The following MAML2 variants were observed in gnomAD, a reference collection of about 807,000 sequenced individuals.
MAML2 encodes the protein mastermind-like protein 2.
A neutral mutation model predicts 96.1 loss-of-function variants in MAML2; 22 were observed. The ratio of observed to expected loss-of-function variants is 0.23; its 90% confidence interval spans 0.16 to 0.33. MAML2 has a LOEUF of 0.33. Among genes scored for constraint, MAML2 ranks in the 10% least tolerant of loss-of-function variants. The pLI is 1.00. For missense variants in MAML2, 1,367 were observed against 1,392.4 expected (o/e 0.98, Z 0.29); for synonymous variants, 561 against 521.3 (o/e 1.08, Z -1.04).
At position 96,159,723 on chromosome 11, in the gene MAML2, C is replaced by G. The variant is rs147314699; in HGVS notation, c.514-66206G>C. 2.9e-3 allele frequency among the ~76,000 whole-genome samples: 445 copies of G among 152,268 alleles called. 9 individuals carry two copies. Among genetic ancestry groups the G allele is most frequent in the Admixed American group, 0.019 (287 of 15,290 alleles). ...ACAGGTGTGAGCGACCGCGCCCGGC[C>G]TAAACCACTGATTCTTAAACTTCAC... On this transcript the variant is annotated intron_variant, in intron 1 of 4. Transcript: ENST00000524717.
chr11:96,327,714 C>T (rs918261508), intron 1 of MAML2, among the ~76,000 whole-genome samples: 10 of 152,016 alleles, frequency 6.6e-5, no homozygotes, highest in South Asian at 2.1e-4. Flanking sequence ...CAACTGCGCC[C>T]GGCCCTTTCC....
At chr11:96,226,764 T>C (rs1168794230) in intron 1 of MAML2, among the ~76,000 whole-genome samples, 1 of 152,234 alleles carries the variant, frequency 6.6e-6, no homozygotes, top group Non-Finnish European at 1.5e-5. Flanking sequence ...TTTATTATTA[T>C]TCTTATTCTT....
chr11:96,307,273 C>T (rs1449230100), intron 1 of MAML2, among the ~76,000 whole-genome samples: 1 of 152,140 alleles, frequency 6.6e-6, no homozygotes, highest in Non-Finnish European at 1.5e-5. Flanking sequence ...GAGATAGCAA[C>T]GGAGATCAAG....
rs747829390 is a variant in MAML2, at chr11:95,979,800, C to A, written c.2619G>T (p.Leu873=). ...AVQNMGMYGN[L]PCNQPNTYSV... ...TGTATGTGTTAGGTTGATTACAAGG[C>A]AGATTTCCATACATCCCCATATTCT... The change falls in exon 5 of 5, where the codon CTG becomes CTT. Residue 873 remains leucine, a synonymous_variant. Transcript: ENST00000524717. The A allele has an allele frequency of 1.2e-6, 2 of 1,613,950 alleles. No homozygotes were observed. Among genetic ancestry groups the A allele is most frequent in the Non-Finnish European group, 1.7e-6 (2 of 1,179,868 alleles).
intron 1 of MAML2, among the ~76,000 whole-genome samples, chr11:96,141,158 G>A (rs1860724751): frequency 6.6e-6 from 1 of 152,048 alleles, no homozygotes; most frequent in Non-Finnish European, 1.5e-5. Flanking sequence ...CATCCTTCTG[G>A]TGAGGTGCTT....
At chr11:96,006,354 G>T (rs1858177478) in intron 2 of MAML2, among the ~76,000 whole-genome samples, 1 of 152,082 alleles carries the variant, frequency 6.6e-6, no homozygotes, top group Non-Finnish European at 1.5e-5. Flanking sequence ...TTAGAAAAAT[G>T]ATAACCTTAA....
intron 1 of MAML2, among the ~76,000 whole-genome samples, chr11:96,258,118 A>G (rs1312339700): frequency 6.6e-6 from 1 of 152,236 alleles, no homozygotes; most frequent in East Asian, 1.9e-4. Context: ...TCATTTGCTA[A>G]GTCCAAGGTA....
intron 1 of MAML2, among the ~76,000 whole-genome samples, chr11:96,161,352 T>C (rs1861100523): frequency 6.6e-6 from 1 of 152,230 alleles, no homozygotes; most frequent in African/African-American, 2.4e-5. Flanking sequence ...TGTATGTCTA[T>C]TACCTCATCT....
At chr11:95,990,976 T>C (rs1857900651) in intron 3 of MAML2, among the ~76,000 whole-genome samples, 1 of 151,996 alleles carries the variant, frequency 6.6e-6, no homozygotes, top group Non-Finnish European at 1.5e-5. Context: ...CCATTAAAAG[T>C]AGTGGCAAAA....
At chr11:96,219,977 T>C (rs969123706) in intron 1 of MAML2, among the ~76,000 whole-genome samples, 1 of 152,214 alleles carries the variant, frequency 6.6e-6, no homozygotes, top group Non-Finnish European at 1.5e-5. Context: ...CATCATGTTG[T>C]ATTAAATGAG....
intron 1 of MAML2, among the ~76,000 whole-genome samples, chr11:96,246,631 T>C (rs913078053): frequency 6.6e-6 from 1 of 152,176 alleles, no homozygotes; most frequent in Admixed American, 6.6e-5. Flanking sequence ...ACTCCTGCAT[T>C]GTTTCAGTCA....
At chr11:95,995,121 T>C (rs575770336) in intron 2 of MAML2, among the ~76,000 whole-genome samples, 2 of 152,348 alleles carry the variant, frequency 1.3e-5, no homozygotes, top group African/African-American at 4.8e-5. Context: ...ATAGGAACAA[T>C]AGTCTGTTTA....
intron 1 of MAML2, among the ~76,000 whole-genome samples, chr11:96,204,089 AG>A (rs1315414106): frequency 2.0e-5 from 3 of 151,986 alleles, no homozygotes; most frequent in Non-Finnish European, 4.4e-5. Context: ...AGGGAGGGAG[AG>A]GTTTCTGGAA....
intron 1 of MAML2, among the ~76,000 whole-genome samples, chr11:96,138,994 T>C (rs1860685563): frequency 6.6e-6 from 1 of 152,202 alleles, no homozygotes; most frequent in Non-Finnish European, 1.5e-5. Flanking sequence ...AAGTCACTAG[T>C]TATACTTTCT....
At chr11:96,068,983 G>A (rs966971251) in intron 2 of MAML2, among the ~76,000 whole-genome samples, 12 of 130,844 alleles carry the variant, frequency 9.2e-5, no homozygotes, top group Non-Finnish European at 6.2e-5. Context: ...GTGTGGTGGT[G>A]TGATCATAGC....
At chr11:96,265,615 T>C (rs562140449) in intron 1 of MAML2, among the ~76,000 whole-genome samples, 2 of 152,142 alleles carry the variant, frequency 1.3e-5, no homozygotes, top group Non-Finnish European at 2.9e-5. Context: ...CCTGTGCCTA[T>C]AAAAACCCGA....
At chr11:96,074,704 C>G (rs151105602) in intron 2 of MAML2, among the ~76,000 whole-genome samples, 44 of 152,340 alleles carry the variant, frequency 2.9e-4, no homozygotes, top group African/African-American at 1.0e-3. Context: ...CAAACGTCAT[C>G]ATACAAAAAA....
Position 95,979,636 on chromosome 11 carries a change from C to A in MAML2, c.2783G>T (p.Gly928Val), listed in dbSNP as rs755203102. The change falls in exon 5 of 5, where the codon GGA becomes GTA. Residue 928 changes from glycine to valine, a missense_variant. Coordinates refer to ENST00000524717, the MANE Select transcript of MAML2 (RefSeq NM_032427.4). ...CAATTGTTGTGAATTACCAACAGAT[C>A]CAGCTCCAAAAGTGGCTACATTGTT... ...NNNNVATFGA[G>V]SVGNSQQLRP... is the part of the protein sequence containing the mutation. 3 of 1,613,788 alleles carry A rather than the reference C, an allele frequency of 1.9e-6. No individual in the cohort carries two copies. Among genetic ancestry groups the A allele is most frequent in the Non-Finnish European group, 2.5e-6 (3 of 1,179,872 alleles).
chr11:96,027,464 C>T (rs1858543610), intron 2 of MAML2, among the ~76,000 whole-genome samples: 1 of 152,166 alleles, frequency 6.6e-6, no homozygotes, highest in African/African-American at 2.4e-5. Flanking sequence ...CTCCTTTATA[C>T]TGTTTCTGAC....
Sources: gnomAD v4.1 joint callset for allele counts (sites outside exome capture counted in the v4.1 genomes callset) on GRCh38, gnomAD v4.1.1 for gene constraint, MANE v1.5 for transcripts, NCBI Gene and HGNC (gene_info 2026-07-23, HGNC 2026-07-21) for gene names.